The following PRELID2 variants were observed in gnomAD, a reference collection of about 807,000 sequenced individuals.
PRELID2 encodes PRELI domain-containing protein 2.
A neutral mutation model predicts 28.4 loss-of-function variants in PRELID2; 25 were observed. The observed-to-expected ratio is 0.88, with a 90% CI of 0.64 to 1.23. The LOEUF is 1.23. Among genes scored for constraint, PRELID2 ranks in the 50% most tolerant of loss-of-function variants. The pLI is 0.00. For synonymous variants in PRELID2, 76 were observed against 71.6 expected (o/e 1.06, Z -0.31); for missense variants, 201 against 214.4 (o/e 0.94, Z 0.39).
the PRELID2 span, among the ~76,000 whole-genome samples, chr5:145,270,305 A>G: frequency 6.6e-6 from 1 of 152,166 alleles, no homozygotes; most frequent in Admixed American, 6.6e-5. Flanking sequence ...ATTGTATAGC[A>G]GCTCAAAACT....
intron 1 of PRELID2, among the ~76,000 whole-genome samples, chr5:145,640,931 T>A (rs1320015886): frequency 3.9e-5 from 6 of 152,120 alleles, no homozygotes; most frequent in African/African-American, 1.4e-4. Flanking sequence ...CAATAAATAG[T>A]GGTAGAACAA....
At chr5:145,392,614 C>T in the PRELID2 span, among the ~76,000 whole-genome samples, 20 of 151,848 alleles carry the variant, frequency 1.3e-4, no homozygotes, top group African/African-American at 4.6e-4. Context: ...ACAATTTGAT[C>T]TGTAATTGTA....
chr5:145,705,598 C>A (rs1440517953), intron 1 of PRELID2, among the ~76,000 whole-genome samples: 1 of 151,996 alleles, frequency 6.6e-6, no homozygotes, highest in Non-Finnish European at 1.5e-5. Flanking sequence ...AGTTAGGCTA[C>A]CAAAATAGAA....
At chr5:145,380,273 C>T in the PRELID2 span, among the ~76,000 whole-genome samples, 1 of 152,190 alleles carries the variant, frequency 6.6e-6, no homozygotes, top group Non-Finnish European at 1.5e-5. Flanking sequence ...AGTCCCAGTA[C>T]TTGGTAGCCC....
chr5:145,826,335 G>T, intron 1 of PRELID2: 1 of 250,068 alleles, frequency 4.0e-6, no homozygotes, highest in Non-Finnish European at 6.3e-6. Flanking sequence ...GTGATCTGAA[G>T]ACCCAGATAT....
chr5:145,584,165 C>G (rs764521839), intron 1 of PRELID2, among the ~76,000 whole-genome samples: 2 of 151,988 alleles, frequency 1.3e-5, no homozygotes, highest in Non-Finnish European at 2.9e-5. Context: ...CTTTGGCAAA[C>G]CTGACAAAAA....
chr5:145,719,997 G>T (rs564541605), intron 1 of PRELID2, among the ~76,000 whole-genome samples: 1 of 151,388 alleles, frequency 6.6e-6, no homozygotes, highest in South Asian at 2.1e-4. Flanking sequence ...ATTACCCAAG[G>T]AATATTATAT....
At chr5:145,349,555 A>G in the PRELID2 span, among the ~76,000 whole-genome samples, 4 of 152,086 alleles carry the variant, frequency 2.6e-5, no homozygotes, top group Admixed American at 2.6e-4. Flanking sequence ...ATGAAGAGAC[A>G]CTCATACAGC....
the PRELID2 span, among the ~76,000 whole-genome samples, chr5:145,298,806 G>A: frequency 6.6e-6 from 1 of 151,938 alleles, no homozygotes; most frequent in African/African-American, 2.4e-5. Context: ...ACATAGTATA[G>A]TATACATTTT....
At chr5:145,261,922 C>T in the PRELID2 span, among the ~76,000 whole-genome samples, 8,432 of 151,830 alleles carry the variant, frequency 0.056, 419 homozygotes, top group African/African-American at 0.13. Context: ...TGAAGTTCAA[C>T]GTAAATAAAT....
chr5:145,273,258 G>A, the PRELID2 span, among the ~76,000 whole-genome samples: 1 of 152,102 alleles, frequency 6.6e-6, no homozygotes, highest in Non-Finnish European at 1.5e-5. Context: ...ATTACCAAAA[G>A]AGCAATTTCT....
the PRELID2 span, among the ~76,000 whole-genome samples, chr5:145,390,716 T>C: frequency 1.3e-5 from 2 of 152,144 alleles, no homozygotes; most frequent in African/African-American, 4.8e-5. Context: ...AAAGTCTTAG[T>C]TCATTCCAGC....
intron 4 of PRELID2, among the ~76,000 whole-genome samples, chr5:145,810,417 A>G (rs756750899): frequency 6.6e-6 from 1 of 152,182 alleles, no homozygotes; most frequent in Non-Finnish European, 1.5e-5. Context: ...GATTCAGTCC[A>G]TGCCAATTGC....
At chr5:145,496,430 A>G (rs997803542) in intron 1 of PRELID2, among the ~76,000 whole-genome samples, 3 of 152,156 alleles carry the variant, frequency 2.0e-5, no homozygotes, top group South Asian at 2.1e-4. Context: ...GTATATACAG[A>G]AAAAAAGAGA....
intron 1 of PRELID2, among the ~76,000 whole-genome samples, chr5:145,648,531 T>C (rs1021998336): frequency 6.6e-6 from 1 of 151,582 alleles, no homozygotes; most frequent in Non-Finnish European, 1.5e-5. Flanking sequence ...TTGTCAGTTT[T>C]ATTGTTGGTT....
At chr5:145,362,556 C>T in the PRELID2 span, among the ~76,000 whole-genome samples, 1 of 152,002 alleles carries the variant, frequency 6.6e-6, no homozygotes, top group Non-Finnish European at 1.5e-5. Context: ...ATAATATGCA[C>T]TAAATAAATA....
chr5:145,561,227 C>A (rs1399193076), intron 1 of PRELID2, among the ~76,000 whole-genome samples: 1 of 152,112 alleles, frequency 6.6e-6, no homozygotes, highest in Non-Finnish European at 1.5e-5. Flanking sequence ...AGAGAAAATT[C>A]TTTGAATGCA....
In PRELID2 at chr5:145,596,421, G is replaced by A. The variant is rs1331428506; in HGVS notation, n.71-123106C>T. On this transcript the variant is annotated intron_variant and non_coding_transcript_variant, in intron 1 of 2. Transcript: ENST00000510259. ...TGAGGTCTCAGTACCACAGCTTAGG[G>A]GAGTGGTTCTACTAGACGAAAAATC... 3.9e-5 allele frequency among the ~76,000 whole-genome samples: 6 copies of A among 152,180 alleles called. No homozygotes were observed. In the East Asian group the frequency reaches 7.7e-4, roughly 20 times the overall value.
chr5:145,396,487 TAA>T, the PRELID2 span, among the ~76,000 whole-genome samples: 557 of 128,830 alleles, frequency 4.3e-3, 2 homozygotes, highest in Non-Finnish European at 6.7e-3. Flanking sequence ...TCACAGATTG[TAA>T]AAAAAAAAAA....
Sources: allele counts gnomAD v4.1 joint callset (sites outside exome capture counted in the v4.1 genomes callset), GRCh38; gene constraint gnomAD v4.1.1; transcripts MANE v1.5; gene names NCBI Gene and HGNC (gene_info 2026-07-23, HGNC 2026-07-21).